Variants in FHIT observed in about 807,000 individuals in gnomAD.
FHIT encodes the protein fragile histidine triad diadenosine triphosphatase, also known as bis(5'-adenosyl)-triphosphatase.
A neutral mutation model predicts 17.9 loss-of-function variants in FHIT; 19 were observed. The ratio of observed to expected loss-of-function variants is 1.06; its 90% CI spans 0.74 to 1.56. The LOEUF is 1.56. FHIT is among the 40% of genes most tolerant of loss of function. The pLI is 0.00. For synonymous variants in FHIT, 81 were observed against 69.7 expected (o/e 1.16, Z -0.81); for missense variants, 248 against 189.2 (o/e 1.31, Z -1.82).
chr3:60,222,028 G>A (rs1289026468), intron 5 of FHIT, among the ~76,000 whole-genome samples: 3 of 152,062 alleles, frequency 2.0e-5, no homozygotes, highest in Non-Finnish European at 2.9e-5. Context: ...TCCCCAGTAC[G>A]TGGAACAGAT....
intron 3 of FHIT, among the ~76,000 whole-genome samples, chr3:60,863,625 T>C (rs1436710697): frequency 6.6e-6 from 1 of 152,230 alleles, no homozygotes; most frequent in Non-Finnish European, 1.5e-5. Flanking sequence ...TTCATTCATT[T>C]GTTAAAAATA....
At chr3:59,894,664 G>A (rs1028483818) in intron 8 of FHIT, among the ~76,000 whole-genome samples, 2 of 152,100 alleles carry the variant, frequency 1.3e-5, no homozygotes, top group Non-Finnish European at 2.9e-5. Flanking sequence ...TCTGTAGTAT[G>A]TTTGGACCGT....
At chr3:60,444,723 T>C (rs907698961) in intron 5 of FHIT, among the ~76,000 whole-genome samples, 7 of 151,898 alleles carry the variant, frequency 4.6e-5, no homozygotes, top group African/African-American at 1.7e-4. Context: ...AGAGATAGCA[T>C]TAGGAGATAT....
intron 4 of FHIT, among the ~76,000 whole-genome samples, chr3:60,781,493 A>T (rs1700387916): frequency 6.6e-6 from 1 of 152,042 alleles, no homozygotes; most frequent in African/African-American, 2.4e-5. Flanking sequence ...TAAAAAAAAT[A>T]GAAAAGGGAG....
rs563060103 is a variant in FHIT at position 61,121,874 on chromosome 3, G to A, written c.-164+78743C>T. On this transcript the variant is annotated intron_variant, in intron 2 of 9. Coordinates refer to ENST00000492590, the MANE Select transcript of FHIT (RefSeq NM_002012.4). ...AGAGACACATAGGCTCAAAATAAAC[G>A]TATGGAGGAATATTTACCAAGCAAA... Among the ~76,000 whole-genome samples, 20 of 152,192 alleles carry A rather than the reference G, an allele frequency of 1.3e-4. 1 individual carries two copies. Among genetic ancestry groups the A allele is most frequent in the Admixed American group, 1.0e-3 (16 of 15,278 alleles).
intron 4 of FHIT, among the ~76,000 whole-genome samples, chr3:60,766,933 C>A (rs2108065922): frequency 6.6e-6 from 1 of 152,282 alleles, no homozygotes; most frequent in Admixed American, 6.5e-5. Flanking sequence ...AATCCATGGA[C>A]CAAATACCTT....
intron 3 of FHIT, among the ~76,000 whole-genome samples, chr3:60,930,329 C>T (rs1300682307): frequency 6.6e-6 from 1 of 152,060 alleles, no homozygotes; most frequent in Non-Finnish European, 1.5e-5. Context: ...GTCTAAAACA[C>T]CAAAAGCAAT....
intron 4 of FHIT, among the ~76,000 whole-genome samples, chr3:60,733,380 A>T (rs879973017): frequency 6.6e-6 from 1 of 152,242 alleles, no homozygotes; most frequent in Admixed American, 6.5e-5. Context: ...GTTCCAATAT[A>T]TTTTATTTCT....
At chr3:60,323,245 G>T (rs946885173) in intron 5 of FHIT, among the ~76,000 whole-genome samples, 2 of 152,014 alleles carry the variant, frequency 1.3e-5, no homozygotes, top group African/African-American at 2.4e-5. Context: ...CATGAAATAC[G>T]TAGTCAGTGA....
intron 3 of FHIT, among the ~76,000 whole-genome samples, chr3:60,944,743 A>G (rs1553775349): frequency 1.3e-5 from 2 of 152,158 alleles, no homozygotes; most frequent in Non-Finnish European, 1.5e-5. Context: ...AAGTTTCCCA[A>G]TTTTTCAAAT....
intron 8 of FHIT, among the ~76,000 whole-genome samples, chr3:59,875,721 T>C (rs1261222620): frequency 6.6e-6 from 1 of 152,184 alleles, no homozygotes; most frequent in Non-Finnish European, 1.5e-5. Context: ...GTTAATATTA[T>C]CAGGGAGCTA....
chr3:59,897,316 T>C (rs1210174270), intron 8 of FHIT, among the ~76,000 whole-genome samples: 1 of 152,212 alleles, frequency 6.6e-6, no homozygotes, highest in Non-Finnish European at 1.5e-5. Context: ...ACACCCTCCC[T>C]ATAGTCTGCA....
At chr3:59,974,122 A>C (rs1229169899) in intron 7 of FHIT, among the ~76,000 whole-genome samples, 1 of 152,172 alleles carries the variant, frequency 6.6e-6, no homozygotes, top group Non-Finnish European at 1.5e-5. Flanking sequence ...TATACTGGCC[A>C]TAAAGGCAAG....
At chr3:60,955,123 G>A (rs1553778312) in intron 3 of FHIT, among the ~76,000 whole-genome samples, 1 of 152,020 alleles carries the variant, frequency 6.6e-6, no homozygotes, top group African/African-American at 2.4e-5. Context: ...CATACTTCAT[G>A]GTAGGCTAGA....
At chr3:60,097,547 A>G (rs1704006237) in intron 5 of FHIT, among the ~76,000 whole-genome samples, 1 of 152,106 alleles carries the variant, frequency 6.6e-6, no homozygotes, top group African/African-American at 2.4e-5. Context: ...CAGCAACACC[A>G]ACCCCTCCTC....
chr3:60,271,858 C>A (rs760839304), intron 5 of FHIT, among the ~76,000 whole-genome samples: 3 of 152,330 alleles, frequency 2.0e-5, no homozygotes, highest in East Asian at 1.9e-4. Flanking sequence ...AGGCTCCATG[C>A]ACTTCTGAAT....
chr3:60,154,864 C>T (rs1283476046), intron 5 of FHIT, among the ~76,000 whole-genome samples: 1 of 152,084 alleles, frequency 6.6e-6, no homozygotes, highest in Non-Finnish European at 1.5e-5. Context: ...TAAATTATCT[C>T]TAATAGTTGC....
intron 5 of FHIT, among the ~76,000 whole-genome samples, chr3:60,488,456 T>C (rs72882108): frequency 0.038 from 5,819 of 152,200 alleles, 350 homozygotes; most frequent in African/African-American, 0.13. Flanking sequence ...TGTAGGACTA[T>C]TCAGAAGTCA....
intron 5 of FHIT, among the ~76,000 whole-genome samples, chr3:60,028,047 A>G (rs1412113402): frequency 6.6e-6 from 1 of 152,196 alleles, no homozygotes; most frequent in Non-Finnish European, 1.5e-5. Context: ...GCTAGTAGCT[A>G]TTACATTGTA....
Sources: allele counts gnomAD v4.1 joint callset (sites outside exome capture counted in the v4.1 genomes callset), GRCh38; gene constraint gnomAD v4.1.1; transcripts MANE v1.5; gene names NCBI Gene and HGNC (gene_info 2026-07-23, HGNC 2026-07-21).